The following PCDHA2 variants were observed in gnomAD, a reference collection of about 807,000 sequenced individuals.
The protein encoded by PCDHA2 is protocadherin alpha-2.
PCDHA2 carries 58 observed loss-of-function variants against 66.0 expected under a neutral mutation model. The observed-to-expected ratio is 0.88, with a 90% confidence interval of 0.71 to 1.09. The LOEUF (loss-of-function observed/expected upper bound fraction) is 1.09, where lower values mean the gene tolerates loss of function less well. PCDHA2 is among the 50% of genes least tolerant of loss of function. The pLI is 0.00. For missense variants in PCDHA2, 1,267 were observed against 1,242.3 expected (o/e 1.02, Z -0.30); for synonymous variants, 634 against 554.0 (o/e 1.14, Z -2.03).
At chr5:141,006,105 G>GT (rs79904017) in intron 3 of PCDHA2, among the ~76,000 whole-genome samples, 4,283 of 143,138 alleles carry the variant, frequency 0.03, 125 homozygotes, top group African/African-American at 0.081. Flanking sequence ...ATGGTAAGGA[G>GT]TTTTTTTTTT....
intron 1 of PCDHA2, among the ~76,000 whole-genome samples, chr5:140,912,377 A>T (rs1202586249): frequency 1.3e-5 from 2 of 149,084 alleles, no homozygotes; most frequent in Admixed American, 6.7e-5. Context: ...TGTAAAAGGG[A>T]TTGAGTTCTT....
chr5:140,979,197 T>C (rs954222917), intron 2 of PCDHA2, among the ~76,000 whole-genome samples, 190 bp downstream of exon 2: 2 of 152,214 alleles, frequency 1.3e-5, no homozygotes, highest in Non-Finnish European at 2.9e-5. Flanking sequence ...CAGATGCTTA[T>C]CAAGTGCTGG....
chr5:140,859,991 A>G (rs1486965129), intron 1 of PCDHA2: 1 of 152,000 alleles, frequency 6.6e-6, no homozygotes, highest in Admixed American at 6.6e-5. Context: ...TAATCTCTCC[A>G]TCAATACTAA....
At chr5:140,884,416 G>A (rs1035372416) in intron 1 of PCDHA2, 22 of 1,613,888 alleles carry the variant, frequency 1.4e-5, no homozygotes, top group Non-Finnish European at 1.7e-5. Context: ...TCACGTTGCT[G>A]CTGTATACTG....
At chr5:140,834,844 T>C in intron 1 of PCDHA2, 2 of 1,611,130 alleles carry the variant, frequency 1.2e-6, no homozygotes, top group Non-Finnish European at 1.7e-6. Flanking sequence ...CGGTTTCCAC[T>C]AGAGGGCGCG....
intron 1 of PCDHA2, chr5:140,869,835 A>T (rs782478328): frequency 1.2e-6 from 2 of 1,611,774 alleles, no homozygotes; most frequent in South Asian, 2.2e-5. Context: ...AGTTTGATAA[A>T]TCAGAATATA....
intron 1 of PCDHA2, among the ~76,000 whole-genome samples, chr5:140,917,650 T>G (rs897307157): frequency 1.5e-4 from 23 of 152,226 alleles, no homozygotes; most frequent in African/African-American, 5.5e-4. Context: ...CCAGCAATAT[T>G]GAGTAGGAAG....
Position 140,979,220 on chromosome 5 carries a change from C to T in PCDHA2, c.2447+213C>T, listed in dbSNP as rs552719327. ...TATCAAGTGCTGGCATATAAGAGTC[C>T]TCTGTAAAATCACAGAAACAGGCTG... On this transcript the variant is annotated intron_variant, in intron 2 of 3. Transcript: ENST00000526136. Among the ~76,000 whole-genome samples, 27 of 152,304 alleles carry T rather than the reference C, an allele frequency of 1.8e-4. 1 individual carries two copies. The highest frequency in any genetic ancestry group is 6.3e-4 in the African/African-American group (26 of 41,574).
At chr5:140,801,895 T>C (rs782383281) in intron 1 of PCDHA2, 1 of 1,614,068 alleles carries the variant, frequency 6.2e-7, no homozygotes, top group East Asian at 2.2e-5. Flanking sequence ...ATCACTGTTT[T>C]AGATGTAAAC....
intron 1 of PCDHA2, among the ~76,000 whole-genome samples, chr5:140,898,111 T>C (rs1319791706): frequency 6.6e-6 from 1 of 152,184 alleles, no homozygotes; most frequent in Non-Finnish European, 1.5e-5. Context: ...ATGAGTAGGT[T>C]GCGAAAATTT....
intron 1 of PCDHA2, among the ~76,000 whole-genome samples, chr5:140,886,331 G>A (rs910332577): frequency 6.6e-6 from 1 of 151,936 alleles, no homozygotes; most frequent in Admixed American, 6.6e-5. Flanking sequence ...TGGGATACAT[G>A]TGCAGAACGT....
At chr5:140,891,136 G>A (rs541876133) in intron 1 of PCDHA2, among the ~76,000 whole-genome samples, 1 of 152,068 alleles carries the variant, frequency 6.6e-6, no homozygotes, top group Non-Finnish European at 1.5e-5. Context: ...TTCCTTTAAA[G>A]GTATTCTGTT....
chr5:140,832,882 G>A (rs1772196387), intron 1 of PCDHA2, among the ~76,000 whole-genome samples: 2 of 152,140 alleles, frequency 1.3e-5, no homozygotes, highest in Admixed American at 6.6e-5. Flanking sequence ...GTTATAAAAT[G>A]GAAAGAGTTT....
At chr5:140,814,216 G>GT (rs2126652899) in intron 1 of PCDHA2, 7,078 of 149,294 alleles carry the variant, frequency 0.047, 511 homozygotes, top group African/African-American at 0.16. Context: ...TTTACTTAGT[G>GT]TTTTTTTTTG....
At chr5:140,968,846 C>T (rs1554231159) in intron 1 of PCDHA2, 1 of 1,614,186 alleles carries the variant, frequency 6.2e-7, no homozygotes. Context: ...CACTCAGAGG[C>T]ATGTTAAGAG....
chr5:140,807,758 G>A, intron 1 of PCDHA2: 1 of 1,614,194 alleles, frequency 6.2e-7, no homozygotes, highest in South Asian at 1.1e-5. Flanking sequence ...GCTGGTAAAA[G>A]GTCTTGGGCT....
At chr5:140,808,332 A>G in intron 1 of PCDHA2, 1 of 1,614,248 alleles carries the variant, frequency 6.2e-7, no homozygotes, top group Non-Finnish European at 8.5e-7. Context: ...ATGGGTGTCA[A>G]TGGGCTGGTC....
At chr5:140,803,555 G>A in intron 1 of PCDHA2, 3 of 1,614,228 alleles carry the variant, frequency 1.9e-6, no homozygotes, top group Non-Finnish European at 2.5e-6. Context: ...GGGATAGAGA[G>A]GAGAAACAGG....
In PCDHA2 at chr5:141,010,220, C is replaced by T. The variant is rs114341618; in HGVS notation, c.*283C>T. ...CTCCTCCGCCGCAAAGGAGAGGCTT[C>T]CCAGCCCCGCCAGTGAGAGGTTGGA... On this transcript the variant is annotated 3_prime_UTR_variant, in exon 4 of 4. Coordinates refer to ENST00000526136, the MANE Select transcript of PCDHA2 (RefSeq NM_018905.3). 2,711 of 1,551,728 alleles carry T rather than the reference C, an allele frequency of 1.7e-3. 46 individuals are homozygous for T. The African/African-American group carries it at 0.034, about 19-fold the overall frequency.
Sources: gnomAD v4.1 joint callset for allele counts (sites outside exome capture counted in the v4.1 genomes callset) on GRCh38, gnomAD v4.1.1 for gene constraint, MANE v1.5 for transcripts, NCBI Gene and HGNC (gene_info 2026-07-23, HGNC 2026-07-21) for gene names.